GRM3: variants seen among roughly 807,000 people sequenced by gnomAD.
GRM3 encodes glutamate metabotropic receptor 3.
In GRM3, 26 loss-of-function variants were observed where a neutral mutation model predicts 70.5. The observed-to-expected ratio is 0.37, with a 90% CI of 0.27 to 0.51. The LOEUF (loss-of-function observed/expected upper bound fraction) is 0.51, where lower values mean the gene tolerates loss of function less well. Ranked by LOEUF, GRM3 falls within the 20% of genes least tolerant of loss-of-function variation. GRM3 has a pLI of 0.93. For synonymous variants in GRM3, 443 were observed against 434.9 expected, an observed-to-expected ratio of 1.02 and a Z score of -0.23; for missense variants, 859 against 1,123.8, an observed-to-expected ratio of 0.76 and a Z score of 3.37.
chr7:86,759,074 G>A (rs539355949), intron 1 of GRM3, among the ~76,000 whole-genome samples: 24 of 152,222 alleles, frequency 1.6e-4, no homozygotes, highest in African/African-American at 4.3e-4. Context: ...TTGAAGGAAA[G>A]CAGAACTCTT....
chr7:86,734,773 A>G (rs1795816472), intron 1 of GRM3, among the ~76,000 whole-genome samples: 1 of 151,956 alleles, frequency 6.6e-6, no homozygotes, highest in African/African-American at 2.4e-5. Context: ...TATCATTTTT[A>G]TTTTCATTTC....
chr7:86,728,576 G>T (rs1422648382), intron 1 of GRM3, among the ~76,000 whole-genome samples: 1 of 152,064 alleles, frequency 6.6e-6, no homozygotes, highest in Admixed American at 6.6e-5. Flanking sequence ...CAAAGTCCTG[G>T]CATGGTGCTG....
chr7:86,828,561 T>C (rs1798290735), intron 3 of GRM3, among the ~76,000 whole-genome samples: 1 of 151,950 alleles, frequency 6.6e-6, no homozygotes, highest in African/African-American at 2.4e-5. Flanking sequence ...TACAGTAGCA[T>C]TATGTATTAA....
In GRM3 at chr7:86,839,567, C is replaced by T; in HGVS notation, c.2053C>T (p.Pro685Ser). Residue 685 changes from proline to serine, a missense_variant, in exon 4 of 6, where the codon CCC (proline) becomes TCC (serine). Coordinates refer to ENST00000361669, the MANE Select transcript of GRM3 (RefSeq NM_000840.3). The surrounding 1 kb of genome is among the most constrained non-coding windows in gnomAD (Gnocchi z 4.5). ...CGCTCAGAGGCCAAAATTCATCAGC[C>T]CCAGTTCTCAGGTTTTCATCTGCCT... ...NGAQRPKFIS[P>S]SSQVFICLGL... 6.2e-7 allele frequency: 1 copy of T among 1,611,374 alleles called. No homozygotes were observed. The highest frequency in any genetic ancestry group is 8.5e-7 in the Non-Finnish European group (1 of 1,178,404).
At chr7:86,846,751 A>T (rs904387931) in intron 4 of GRM3, among the ~76,000 whole-genome samples, 1 of 152,186 alleles carries the variant, frequency 6.6e-6, no homozygotes, top group Non-Finnish European at 1.5e-5. Context: ...TTTGGTCAAC[A>T]TGTTTGCTAG....
intron 1 of GRM3, among the ~76,000 whole-genome samples, chr7:86,682,071 G>A (rs1794454990): frequency 6.6e-6 from 1 of 152,152 alleles, no homozygotes; most frequent in Non-Finnish European, 1.5e-5. Flanking sequence ...CACATGGAGA[G>A]GTTAAACAAT....
intron 1 of GRM3, among the ~76,000 whole-genome samples, chr7:86,672,534 G>A (rs1794197275): frequency 6.6e-6 from 1 of 152,044 alleles, no homozygotes; most frequent in Admixed American, 6.6e-5. Flanking sequence ...AGATTTAGCA[G>A]TGCCTTTCCT....
At chr7:86,689,549 A>G (rs1794649408) in intron 1 of GRM3, among the ~76,000 whole-genome samples, 1 of 152,132 alleles carries the variant, frequency 6.6e-6, no homozygotes, top group Admixed American at 6.6e-5. Context: ...TTTGAAGCAT[A>G]ATAATTCTGC....
At chr7:86,736,428 AAAAT>A (rs1795860009) in intron 1 of GRM3, among the ~76,000 whole-genome samples, 1 of 152,226 alleles carries the variant, frequency 6.6e-6, no homozygotes. Flanking sequence ...AACAAATCCC[AAAAT>A]AAATAATGTC....
intron 2 of GRM3, among the ~76,000 whole-genome samples, chr7:86,774,439 G>C (rs938570856): frequency 3.9e-5 from 6 of 152,046 alleles, no homozygotes; most frequent in African/African-American, 1.4e-4. Flanking sequence ...AGTGTAGTGT[G>C]ACTATTTTTG....
intron 1 of GRM3, among the ~76,000 whole-genome samples, chr7:86,645,996 GGTGGGGGGGT>G (rs1562811244): frequency 5.0e-4 from 17 of 33,704 alleles, no homozygotes; most frequent in Admixed American, 2.0e-3. Context: ...GGGGGGTGGG[GGTGGGGGGGT>G]GGGGGGGGGT....
chr7:86,806,179 T>C (rs748346570), intron 3 of GRM3, among the ~76,000 whole-genome samples: 1 of 152,210 alleles, frequency 6.6e-6, no homozygotes, highest in Non-Finnish European at 1.5e-5. Flanking sequence ...TCCTAGTCTT[T>C]GGTATTGTGA....
At chr7:86,778,946 A>G (rs1334592237) in intron 2 of GRM3, among the ~76,000 whole-genome samples, 2 of 152,224 alleles carry the variant, frequency 1.3e-5, no homozygotes, top group Non-Finnish European at 2.9e-5. Context: ...TTCCTAATTC[A>G]GTATGACTGG....
chr7:86,740,647 C>G (rs182211011), intron 1 of GRM3, among the ~76,000 whole-genome samples: 27 of 152,208 alleles, frequency 1.8e-4, no homozygotes, highest in African/African-American at 6.3e-4. Flanking sequence ...ATTTAAAAGT[C>G]TAATTATGGT....
chr7:86,802,924 C>T (rs1271481714), intron 3 of GRM3, among the ~76,000 whole-genome samples: 1 of 152,096 alleles, frequency 6.6e-6, no homozygotes, highest in Non-Finnish European at 1.5e-5. Flanking sequence ...CAATTAATAC[C>T]TTCATAAGTT....
At chr7:86,763,754 G>A (rs560041478) in intron 1 of GRM3, among the ~76,000 whole-genome samples, 29 of 152,246 alleles carry the variant, frequency 1.9e-4, no homozygotes, top group Non-Finnish European at 3.7e-4. Flanking sequence ...GCAGCCACCA[G>A]CAATCACACT....
intron 1 of GRM3, among the ~76,000 whole-genome samples, chr7:86,705,480 G>A (rs570516949): frequency 2.1e-4 from 32 of 152,130 alleles, no homozygotes; most frequent in African/African-American, 7.2e-4. Flanking sequence ...GATGAAAAAC[G>A]AAGCTGAGGC....
intron 5 of GRM3, among the ~76,000 whole-genome samples, chr7:86,862,549 G>A (rs1348112662): frequency 2.0e-5 from 3 of 151,946 alleles, no homozygotes; most frequent in African/African-American, 7.3e-5. Context: ...AGCTTTTAAT[G>A]GGCTCGTATT....
At chr7:86,840,649 A>G (rs968644879) in intron 4 of GRM3, among the ~76,000 whole-genome samples, 4 of 152,092 alleles carry the variant, frequency 2.6e-5, no homozygotes, top group African/African-American at 9.7e-5. Context: ...GCTACATAAA[A>G]TGTAGCATTT....
Sources: allele counts gnomAD v4.1 joint callset (sites outside exome capture counted in the v4.1 genomes callset), GRCh38; gene constraint gnomAD v4.1.1; non-coding constraint Gnocchi (gnomAD v3.1); transcripts MANE v1.5; gene names NCBI Gene and HGNC (gene_info 2026-07-23, HGNC 2026-07-21).